RNF24: variants seen among roughly 807,000 people sequenced by gnomAD.
RNF24 encodes ring finger protein 24.
RNF24 carries 14 observed loss-of-function variants against 20.0 expected under a neutral mutation model. The observed-to-expected ratio is 0.70, with a 90% CI of 0.46 to 1.10. The LOEUF (loss-of-function observed/expected upper bound fraction) is 1.10, where lower values mean the gene tolerates loss of function less well. Among genes scored for constraint, RNF24 ranks in the 50% least tolerant of loss-of-function variants. The probability of loss-of-function intolerance (pLI) is 0.00; values close to 1 mark genes in which losing one functional copy is unlikely to be tolerated. For synonymous variants in RNF24, 45 were observed against 61.1 expected (o/e 0.74, Z 1.23); for missense variants, 124 against 177.6 (o/e 0.70, Z 1.71).
chr20:3,948,337 AAAAT>A (rs1311212061), intron 2 of RNF24, 58 bp from the exon 3 acceptor site: 6 of 1,250,106 alleles, frequency 4.8e-6, no homozygotes, highest in Non-Finnish European at 6.8e-6. Context: ...AACTTGAAGA[AAAAT>A]AAAAAGTTGC....
In RNF24 at chr20:3,928,790, A is replaced by G. The variant is rs1423109278; in HGVS notation, c.*5273T>C. ...AAAAAAAAAAAAAAATTGTTGGGGT[A>G]ATTTCTGTTGTCAAATGGAAAACAA... On this transcript the variant is annotated 3_prime_UTR_variant, in exon 6 of 6. Coordinates refer to ENST00000358395, the MANE Select transcript of RNF24 (RefSeq NM_001134337.3). 7.0e-6 allele frequency: 1 copy of G among 142,258 alleles called. No individual in the cohort carries two copies. Among genetic ancestry groups the G allele is most frequent in the Non-Finnish European group, 1.5e-5 (1 of 65,092 alleles). The allele number at this position is 142,258 out of a possible 1,614,324, so 8.8% of individuals were successfully genotyped here. A position where few individuals can be genotyped will look rare whatever the true frequency, so the allele number is the denominator to read the frequency against.
intron 4 of RNF24, among the ~76,000 whole-genome samples, chr20:3,941,911 T>C (rs2090960238): frequency 6.6e-6 from 1 of 151,710 alleles, no homozygotes; most frequent in African/African-American, 2.4e-5. Context: ...CCATCTCTAC[T>C]AAAAATACAA....
At position 4,003,135 on chromosome 20, in the gene RNF24, A is replaced by C. The variant is rs1320589835; in HGVS notation, c.-8+12302T>G. ...TAGGCGCCTGCCACGGCGCCCGGCT[A>C]ATTTTTTTGTATTTTTGTAGAGACA... On this transcript the variant is annotated intron_variant, in intron 1 of 5. Coordinates refer to ENST00000358395, the MANE Select transcript of RNF24 (RefSeq NM_001134337.3). 7.2e-5 allele frequency among the ~76,000 whole-genome samples: 11 copies of C among 152,026 alleles called. No individual in the cohort carries two copies. In the East Asian group the frequency reaches 1.7e-3, roughly 24 times the overall value.
intron 2 of RNF24, among the ~76,000 whole-genome samples, chr20:3,960,122 T>C (rs1257600792): frequency 6.6e-6 from 1 of 152,158 alleles, no homozygotes; most frequent in Non-Finnish European, 1.5e-5. Context: ...ACCTAAGTTA[T>C]AGTCTTCCTA....
At chr20:3,963,804 A>T in intron 2 of RNF24, 71 bp downstream of exon 2, 1 of 1,332,418 alleles carries the variant, frequency 7.5e-7, no homozygotes, top group Non-Finnish European at 1.0e-6. Context: ...TTTAAAAAAA[A>T]TCTGAGGACA....
chr20:3,971,358 T>G (rs540157942), intron 1 of RNF24, among the ~76,000 whole-genome samples: 4 of 152,280 alleles, frequency 2.6e-5, no homozygotes, highest in Middle Eastern at 3.4e-3. Context: ...GACCTACTCT[T>G]GAAGAGTGAC....
chr20:3,948,302 G>C lies in RNF24; in HGVS notation c.144-23C>G, dbSNP rs371991281. 2.3e-5 allele frequency: 35 copies of C among 1,518,880 alleles called. No homozygotes were observed. In the African/African-American group the frequency reaches 4.1e-4, roughly 18 times the overall value. 94.1% of individuals were successfully genotyped at this position (1,518,880 alleles called of 1,614,324 possible). A position where few individuals can be genotyped will look rare whatever the true frequency, so the allele number is the denominator to read the frequency against. ...AGCCTAAAAGACAGAAATTAGTAAT[G>C]CAATATTGAGATTTCCAACATAGTA... On this transcript the variant is annotated intron_variant, in intron 2 of 5. Transcript: ENST00000358395.
intron 1 of RNF24, among the ~76,000 whole-genome samples, chr20:4,003,371 T>C (rs534900207): frequency 6.6e-6 from 1 of 152,328 alleles, no homozygotes; most frequent in Middle Eastern, 3.4e-3. Context: ...ATTTACAATA[T>C]ATTCCACACA....
chr20:3,963,780 T>G, intron 2 of RNF24, 95 bp downstream of exon 2: 1 of 1,081,050 alleles, frequency 9.3e-7, no homozygotes, highest in Non-Finnish European at 1.3e-6. Context: ...AATTTGCCAA[T>G]TATCATACTT....
chr20:3,963,018 T>G (rs914214616), intron 2 of RNF24, among the ~76,000 whole-genome samples: 3 of 152,166 alleles, frequency 2.0e-5, no homozygotes, highest in Non-Finnish European at 2.9e-5. Flanking sequence ...ATTTTAATAA[T>G]AGTTTAATAG....
At chr20:4,001,431 T>A (rs1050191325) in intron 1 of RNF24, among the ~76,000 whole-genome samples, 1 of 152,206 alleles carries the variant, frequency 6.6e-6, no homozygotes, top group Non-Finnish European at 1.5e-5. Flanking sequence ...GTGGGGTTAT[T>A]CATCAAGTGC....
In RNF24 at chr20:3,934,239, C is replaced by G. The variant is rs2090862995; in HGVS notation, c.309-38G>C. ...ACACCACAGGGGGAAGATGTCAGTCCTATGCTCATGGCACGGCTGTTCTGC... is the reference window on the plus strand; with the variant it reads ...ACACCACAGGGGGAAGATGTCAGTCGTATGCTCATGGCACGGCTGTTCTGC... On this transcript the variant is annotated intron_variant, in intron 5 of 5. Coordinates refer to ENST00000358395, the MANE Select transcript of RNF24 (RefSeq NM_001134337.3). This position sits in a 1 kb window ranked among gnomAD's most constrained non-coding sequence, Gnocchi z 4.0. The G allele has an allele frequency of 6.3e-7, 1 of 1,588,276 alleles. No homozygotes were observed. The highest frequency in any genetic ancestry group is 8.6e-7 in the Non-Finnish European group (1 of 1,168,526).
chr20:4,014,739 G>GCGCGCA (rs1555804206), intron 1 of RNF24, among the ~76,000 whole-genome samples: 4 of 143,670 alleles, frequency 2.8e-5, no homozygotes, highest in African/African-American at 1.0e-4. Flanking sequence ...ACTTGAATGC[G>GCGCGCA]CACACACACA....
intron 1 of RNF24, among the ~76,000 whole-genome samples, chr20:4,002,717 A>G (rs1036540758): frequency 2.0e-5 from 3 of 152,226 alleles, no homozygotes; most frequent in East Asian, 3.8e-4. Context: ...ACAGCTATAT[A>G]ATATAGTTTC....
At chr20:3,957,576 A>G (rs1413649383) in intron 2 of RNF24, among the ~76,000 whole-genome samples, 2 of 152,060 alleles carry the variant, frequency 1.3e-5, no homozygotes, top group Admixed American at 1.3e-4. Context: ...TTTTAATTAG[A>G]TCTGCATGTT....
Position 3,929,126 on chromosome 20 carries a change from A to G in RNF24, c.*4937T>C, listed in dbSNP as rs1187248397. 6.6e-6 allele frequency: 1 copy of G among 152,282 alleles called. No homozygotes were observed. The highest frequency in any genetic ancestry group is 1.5e-5 in the Non-Finnish European group (1 of 68,160). 9.4% of individuals were successfully genotyped at this position (152,282 alleles called of 1,614,324 possible). ...CCTCCCAAAGTGCTGGGATGTTGGG[A>G]TTACAGGCGTGAGCCATCGCGCCCG... On this transcript the variant is annotated 3_prime_UTR_variant, in exon 6 of 6. Transcript: ENST00000358395.
In RNF24 at chr20:3,927,630, G is replaced by A. The variant is rs946820522; in HGVS notation, c.*6433C>T. The A allele has an allele frequency of 6.6e-6, 1 of 152,232 alleles. No individual in the cohort carries two copies. The highest frequency in any genetic ancestry group is 2.4e-5 in the African/African-American group (1 of 41,462). The allele number at this position is 152,232 out of a possible 1,614,324, so 9.4% of individuals were successfully genotyped here. On this transcript the variant is annotated 3_prime_UTR_variant, in exon 6 of 6. Coordinates refer to ENST00000358395, the MANE Select transcript of RNF24 (RefSeq NM_001134337.3). ...TGGCAATGATGTCAGAAGACCAAGA[G>A]GCGATAGTTACCAGCAACACTCTAG...
At chr20:3,965,668 A>G (rs538924291) in intron 1 of RNF24, among the ~76,000 whole-genome samples, 1 of 152,292 alleles carries the variant, frequency 6.6e-6, no homozygotes, top group South Asian at 2.1e-4. Context: ...TACGCTGTGG[A>G]GCTATTAGAA....
chr20:4,002,213 G>A (rs1007387046), intron 1 of RNF24, among the ~76,000 whole-genome samples: 8 of 151,810 alleles, frequency 5.3e-5, no homozygotes, highest in Non-Finnish European at 1.0e-4. Flanking sequence ...GTGAAACCCC[G>A]TCTCTACTAA....
Sources: allele counts gnomAD v4.1 joint callset (sites outside exome capture counted in the v4.1 genomes callset), GRCh38; gene constraint gnomAD v4.1.1; non-coding constraint Gnocchi (gnomAD v3.1); transcripts MANE v1.5; gene names NCBI Gene and HGNC (gene_info 2026-07-23, HGNC 2026-07-21).